Variants in PDE1C observed in about 807,000 individuals in gnomAD.
PDE1C encodes dual specificity calcium/calmodulin-dependent 3',5'-cyclic nucleotide phosphodiesterase 1C.
A neutral mutation model predicts 93.1 loss-of-function variants in PDE1C; 62 were observed. The ratio of observed to expected loss-of-function variants is 0.67; its 90% CI spans 0.54 to 0.82. PDE1C has a LOEUF of 0.82. Ranked by LOEUF, PDE1C falls within the 40% of genes least tolerant of loss-of-function variation. The pLI, the probability that PDE1C is intolerant of heterozygous loss-of-function variation, is 0.00. For missense variants in PDE1C, 742 were observed against 884.6 expected, an observed-to-expected ratio of 0.84 and a Z score of 2.04; for synonymous variants, 325 against 310.1, an observed-to-expected ratio of 1.05 and a Z score of -0.50.
intron 1 of PDE1C, among the ~76,000 whole-genome samples, chr7:32,310,020 G>A (rs1021712264): frequency 6.6e-6 from 1 of 152,188 alleles, no homozygotes; most frequent in East Asian, 1.9e-4. Flanking sequence ...CATGTGCAGA[G>A]ACACACATAG....
At chr7:32,032,891 G>C (rs1790525986) in intron 2 of PDE1C, among the ~76,000 whole-genome samples, 1 of 152,134 alleles carries the variant, frequency 6.6e-6, no homozygotes, top group Admixed American at 6.5e-5. Flanking sequence ...TGTTTGTAAG[G>C]TTCCTGTGAG....
At chr7:31,710,666 T>A in the PDE1C span, among the ~76,000 whole-genome samples, 1 of 152,188 alleles carries the variant, frequency 6.6e-6, no homozygotes, top group Non-Finnish European at 1.5e-5. Context: ...TTTTGTAGAA[T>A]CTCTGTCATC....
At chr7:31,924,532 C>T (rs1803089968) in intron 2 of PDE1C, among the ~76,000 whole-genome samples, 1 of 151,678 alleles carries the variant, frequency 6.6e-6, no homozygotes, top group African/African-American at 2.4e-5. Context: ...TTCCTTGCAG[C>T]ATTTTAGACA....
chr7:31,650,015 A>G, the PDE1C span, among the ~76,000 whole-genome samples: 2 of 152,166 alleles, frequency 1.3e-5, no homozygotes, highest in Non-Finnish European at 2.9e-5. Context: ...GAATTGGTCC[A>G]TGTCAATGCC....
chr7:32,011,474 G>A (rs376203499), intron 2 of PDE1C, among the ~76,000 whole-genome samples: 1 of 152,172 alleles, frequency 6.6e-6, no homozygotes, highest in African/African-American at 2.4e-5. Context: ...TTACAGGCAT[G>A]AGCCACCACA....
At chr7:32,206,614 C>T (rs1352118375) in intron 2 of PDE1C, among the ~76,000 whole-genome samples, 1 of 152,162 alleles carries the variant, frequency 6.6e-6, no homozygotes. Flanking sequence ...TCAGCTGTTC[C>T]CCACACTGCC....
At position 31,819,369 on chromosome 7, in the gene PDE1C, C is replaced by G. The variant is rs77432472; in HGVS notation, c.1583-3215G>C. Among the ~76,000 whole-genome samples the G allele has an allele frequency of 5.1e-3, 774 of 152,128 alleles. 4 individuals carry two copies. The highest frequency in any genetic ancestry group is 0.018 in the African/African-American group (738 of 41,532). ...CTTTATATTTTCTGGGTGAAATTAT[C>G]GGTATAGATGAAATTTTCGTATAAC... On this transcript the variant is annotated intron_variant, in intron 14 of 17. Transcript: ENST00000396191.
the PDE1C span, among the ~76,000 whole-genome samples, chr7:31,636,683 C>T: frequency 2.0e-5 from 3 of 151,490 alleles, no homozygotes; most frequent in Non-Finnish European, 2.9e-5. Context: ...GGAGAACTAA[C>T]AGGCTGTGGG....
At chr7:32,305,875 C>T (rs78217199) in intron 1 of PDE1C, among the ~76,000 whole-genome samples, 6,547 of 152,340 alleles carry the variant, frequency 0.043, 200 homozygotes, top group African/African-American at 0.082. Flanking sequence ...ATGCTGCTCC[C>T]GCTCAGTCCC....
At chr7:32,207,618 C>G (rs995636686) in intron 2 of PDE1C, among the ~76,000 whole-genome samples, 10 of 142,086 alleles carry the variant, frequency 7.0e-5, no homozygotes, top group Admixed American at 6.2e-4. Flanking sequence ...CTTTTTCGTT[C>G]TCCTTTTTTT....
the PDE1C span, among the ~76,000 whole-genome samples, chr7:31,736,521 C>T: frequency 6.6e-6 from 1 of 152,098 alleles, no homozygotes; most frequent in African/African-American, 2.4e-5. Context: ...CTTCTCTATC[C>T]TGGGAAACCT....
intron 1 of PDE1C, among the ~76,000 whole-genome samples, chr7:32,245,821 A>G (rs891550801): frequency 1.3e-5 from 2 of 152,194 alleles, no homozygotes; most frequent in Non-Finnish European, 2.9e-5. Flanking sequence ...GGAAGGGACT[A>G]GCAAGCGCTC....
intron 1 of PDE1C, among the ~76,000 whole-genome samples, chr7:32,267,794 G>A (rs1421361685): frequency 1.3e-5 from 2 of 152,108 alleles, no homozygotes; most frequent in African/African-American, 4.8e-5. Flanking sequence ...CCAAGGCCAT[G>A]CATGCCTCAG....
chr7:32,295,093 G>A (rs1347803086), intron 1 of PDE1C, among the ~76,000 whole-genome samples: 2 of 152,226 alleles, frequency 1.3e-5, no homozygotes, highest in Non-Finnish European at 2.9e-5. Flanking sequence ...AGCCCAGTGA[G>A]GCAGATTAAC....
chr7:32,037,957 C>G (rs773139393), intron 2 of PDE1C, among the ~76,000 whole-genome samples: 16 of 152,210 alleles, frequency 1.1e-4, no homozygotes, highest in Admixed American at 5.9e-4. Flanking sequence ...TAAGTACTTT[C>G]AATTTGTTCA....
At chr7:31,971,837 T>G (rs966321758) in intron 2 of PDE1C, among the ~76,000 whole-genome samples, 1 of 152,206 alleles carries the variant, frequency 6.6e-6, no homozygotes, top group African/African-American at 2.4e-5. Flanking sequence ...AGGAGATCCC[T>G]CTCTCATAGC....
chr7:32,186,515 T>C (rs1012982743), intron 2 of PDE1C, among the ~76,000 whole-genome samples: 2 of 152,134 alleles, frequency 1.3e-5, no homozygotes, highest in Non-Finnish European at 2.9e-5. Context: ...TCCCAGAAGT[T>C]GTCTATTTTT....
chr7:31,627,103 C>G, the PDE1C span, among the ~76,000 whole-genome samples: 1 of 152,192 alleles, frequency 6.6e-6, no homozygotes, highest in Non-Finnish European at 1.5e-5. Flanking sequence ...CCATTACCAT[C>G]TATTTTATCC....
chr7:31,680,774 C>G, the PDE1C span, among the ~76,000 whole-genome samples: 1 of 152,074 alleles, frequency 6.6e-6, no homozygotes, highest in African/African-American at 2.4e-5. Context: ...GACCCAGAGG[C>G]TGGACAAAAA....
Sources: gnomAD v4.1 joint callset for allele counts (sites outside exome capture counted in the v4.1 genomes callset) on GRCh38, gnomAD v4.1.1 for gene constraint, MANE v1.5 for transcripts, NCBI Gene and HGNC (gene_info 2026-07-23, HGNC 2026-07-21) for gene names.